Variants in TSPAN7 observed in about 807,000 individuals in gnomAD.
TSPAN7 encodes tetraspanin 7, also known as tetraspanin-7.
TSPAN7 carries 1 observed loss-of-function variant against 17.6 expected under a neutral mutation model. That is an observed-to-expected ratio of 0.06 (90% CI 0.02 to 0.27). TSPAN7 has a LOEUF of 0.27. Among genes scored for constraint, TSPAN7 ranks in the 10% least tolerant of loss-of-function variants. TSPAN7 has a pLI of 1.00. For missense variants in TSPAN7, 112 were observed against 201.7 expected, an observed-to-expected ratio of 0.56 and a Z score of 2.69; for synonymous variants, 78 against 79.0, an observed-to-expected ratio of 0.99 and a Z score of 0.07.
chrX:38,661,862 T>C (rs1181952381), intron 1 of TSPAN7, among the ~76,000 whole-genome samples: 4 of 110,656 alleles, frequency 3.6e-5, no homozygotes, highest in Admixed American at 2.9e-4. Flanking sequence ...GCTTTTCAGT[T>C]CGAAAGTCAT....
intron 1 of TSPAN7, among the ~76,000 whole-genome samples, chrX:38,657,807 T>C (rs1446805263): frequency 8.9e-6 from 1 of 112,533 alleles, no homozygotes; most frequent in Non-Finnish European, 1.9e-5. Flanking sequence ...GTTGTTTCAC[T>C]ACACATATGA....
rs371397872 is a variant in TSPAN7, at chrX:38,649,948, C to A, written c.82-16173C>A. Among the ~76,000 whole-genome samples, 6 of 112,020 alleles carry A rather than the reference C, an allele frequency of 5.4e-5. No homozygotes were observed. In the East Asian group the frequency reaches 1.1e-3, roughly 21 times the overall value. ...TGATGGCTTCCGGGAGGTCACCTGA[C>A]CTGAGACAGGCCCCTCAGATTCTCT... On this transcript the variant is annotated intron_variant, in intron 1 of 7. Coordinates refer to ENST00000378482, the MANE Select transcript of TSPAN7 (RefSeq NM_004615.4).
At chrX:38,599,812 C>A (rs1017822315) in intron 1 of TSPAN7, among the ~76,000 whole-genome samples, 7 of 111,905 alleles carry the variant, frequency 6.3e-5, no homozygotes, top group African/African-American at 1.9e-4. Context: ...GAAAGCTTTG[C>A]CTTCCAATTT....
At chrX:38,593,678 A>G (rs2069304273) in intron 1 of TSPAN7, among the ~76,000 whole-genome samples, 2 of 112,049 alleles carry the variant, frequency 1.8e-5, no homozygotes, top group African/African-American at 6.5e-5. Flanking sequence ...GTTTCTTACA[A>G]GAGGATGGGT....
intron 1 of TSPAN7, among the ~76,000 whole-genome samples, chrX:38,617,429 G>A (rs1416985441): frequency 8.9e-6 from 1 of 112,747 alleles, no homozygotes; most frequent in East Asian, 2.8e-4. Flanking sequence ...CCCTAAAGGG[G>A]GAGGGAAGTC....
At chrX:38,654,833 C>G (rs965899845) in intron 1 of TSPAN7, among the ~76,000 whole-genome samples, 1 of 111,986 alleles carries the variant, frequency 8.9e-6, no homozygotes, top group African/African-American at 3.2e-5. Context: ...GGTGCAGTGG[C>G]GAAAGATAAA....
intron 1 of TSPAN7, among the ~76,000 whole-genome samples, chrX:38,613,532 C>A (rs934116965): frequency 1.8e-5 from 2 of 111,200 alleles, no homozygotes; most frequent in Middle Eastern, 4.6e-3. Context: ...TTGGGAAATA[C>A]CTATGACAAT....
At chrX:38,587,584 A>C (rs2069265556) in intron 1 of TSPAN7, among the ~76,000 whole-genome samples, 1 of 111,815 alleles carries the variant, frequency 8.9e-6, no homozygotes, top group Non-Finnish European at 1.9e-5. Flanking sequence ...CTTGTGACTG[A>C]TAGGTAGAAT....
At chrX:38,671,814 C>A (rs2069822317) in intron 3 of TSPAN7, among the ~76,000 whole-genome samples, 1 of 111,011 alleles carries the variant, frequency 9.0e-6, no homozygotes, top group Non-Finnish European at 1.9e-5. Flanking sequence ...AGGCCTGGGG[C>A]AGGAGGATCT....
At chrX:38,571,034 T>C (rs1466583003) in intron 1 of TSPAN7, 1 of 112,381 alleles carries the variant, frequency 8.9e-6, no homozygotes, top group Non-Finnish European at 1.9e-5. Context: ...TTGTTACATA[T>C]ATATATTGCA....
chrX:38,586,820 T>A (rs1161110542), intron 1 of TSPAN7, among the ~76,000 whole-genome samples: 1 of 112,142 alleles, frequency 8.9e-6, no homozygotes, highest in Non-Finnish European at 1.9e-5. Flanking sequence ...CAGATTAGCA[T>A]GTGCTCTTTA....
chrX:38,634,473 G>C (rs1168072940), intron 1 of TSPAN7, among the ~76,000 whole-genome samples: 1 of 111,973 alleles, frequency 8.9e-6, no homozygotes, highest in African/African-American at 3.3e-5. Context: ...CCTCGTTTCT[G>C]GGACTTGGCA....
intron 1 of TSPAN7, among the ~76,000 whole-genome samples, chrX:38,664,758 G>A (rs1602119493): frequency 8.9e-6 from 1 of 112,065 alleles, no homozygotes; most frequent in East Asian, 2.8e-4. Context: ...CTACAAAGTA[G>A]ACAGGCTGCC....
At chrX:38,607,523 C>T (rs1303747377) in intron 1 of TSPAN7, among the ~76,000 whole-genome samples, 1 of 111,411 alleles carries the variant, frequency 9.0e-6, no homozygotes, top group Non-Finnish European at 1.9e-5. Flanking sequence ...GGACCCCACA[C>T]GCAGAGCTGC....
chrX:38,670,404 G>T (rs182070860), intron 2 of TSPAN7, among the ~76,000 whole-genome samples: 42 of 112,228 alleles, frequency 3.7e-4, no homozygotes, highest in African/African-American at 1.3e-3. Context: ...GCTTGCATGT[G>T]CATGCACATG....
At chrX:38,678,789 T>C (rs1332630416) in intron 5 of TSPAN7, among the ~76,000 whole-genome samples, 1 of 112,362 alleles carries the variant, frequency 8.9e-6, no homozygotes. Context: ...TTATTTGGAG[T>C]AAAAAATAAT....
rs187060735 is a variant in TSPAN7, at chrX:38,623,259, T to C, written c.82-42862T>C. Among the ~76,000 whole-genome samples the C allele has an allele frequency of 9.2e-4, 103 of 111,668 alleles. 1 individual carries two copies. The highest frequency in any genetic ancestry group is 3.4e-3 in the African/African-American group (103 of 30,732). On this transcript the variant is annotated intron_variant, in intron 1 of 7. Transcript: ENST00000378482. ...GAAATTTGGCTTTCTTTTTGAATGATGAGGCAAGCACTGAAGTTAATGCCA... is the reference window on the plus strand; with the variant it reads ...GAAATTTGGCTTTCTTTTTGAATGACGAGGCAAGCACTGAAGTTAATGCCA...
intron 1 of TSPAN7, among the ~76,000 whole-genome samples, chrX:38,624,630 A>G (rs2147425731): frequency 8.9e-6 from 1 of 112,697 alleles, no homozygotes; most frequent in African/African-American, 3.2e-5. Context: ...TTAAGTCAAG[A>G]AGAAACAAAT....
At chrX:38,656,268 A>G (rs2069704286) in intron 1 of TSPAN7, 1 of 146,664 alleles carries the variant, frequency 6.8e-6, no homozygotes, top group Admixed American at 7.5e-5. Context: ...GGGCAGAACA[A>G]ATGTGTAGTC....
Sources: allele counts gnomAD v4.1 joint callset (sites outside exome capture counted in the v4.1 genomes callset), GRCh38; gene constraint gnomAD v4.1.1; transcripts MANE v1.5; gene names NCBI Gene and HGNC (gene_info 2026-07-23, HGNC 2026-07-21).